The following AUP1 variants were observed in gnomAD, a reference collection of about 807,000 sequenced individuals.
The protein encoded by AUP1 is lipid droplet-regulating VLDL assembly factor AUP1.
A neutral mutation model predicts 51.8 loss-of-function variants in AUP1; 30 were observed. That is an observed-to-expected ratio of 0.58 (90% confidence interval 0.43 to 0.79). The LOEUF is 0.79. AUP1 is among the 30% of genes least tolerant of loss of function. AUP1 has a pLI of 0.00. For missense variants in AUP1, 492 were observed against 517.1 expected (o/e 0.95, Z 0.47); for synonymous variants, 227 against 209.0 (o/e 1.09, Z -0.74).
Position 74,527,311 on chromosome 2 carries a change from TACGGCCCCC to T in AUP1, c.1005_1013del (p.Gly336_Val338del). 1 of 1,614,170 alleles carries T rather than the reference TACGGCCCCC, an allele frequency of 6.2e-7. No individual in the cohort carries two copies. Among genetic ancestry groups the T allele is most frequent in the South Asian group, 1.1e-5 (1 of 91,080 alleles). On this transcript the variant is annotated inframe_deletion, in exon 10 of 12. Transcript: ENST00000377526. Reference sequence around the variant, plus strand: ...TGGTGATGTCTTCAGGCATGAAAGCTACGGCCCCCTCAAGCAGATTAGTGATAGTCAAGT... The same window carrying T: ...TGGTGATGTCTTCAGGCATGAAAGCTTCAAGCAGATTAGTGATAGTCAAGT...
At position 74,528,802 on chromosome 2, in the gene AUP1, A is replaced by G; in HGVS notation, c.473T>C (p.Leu158Pro). Residue 158 changes from leucine (L) to proline (P), a missense_variant, in exon 4 of 12, where the codon CTA becomes CCA. Leu to Pro is a moderately conservative substitution (Grantham distance 98, BLOSUM62 -3). Transcript: ENST00000377526. ...ATTGGTGGCCTCTTCCTCAGGGAAT[A>G]GCAGCAGAGGAGTGGGGGGAAGCCT... ...STRLPPTPLL[L>P]FPEEEATNGR... 6.2e-7 allele frequency: 1 copy of G among 1,613,854 alleles called. No homozygotes were observed. Among genetic ancestry groups the G allele is most frequent in the Non-Finnish European group, 8.5e-7 (1 of 1,179,880 alleles).
chr2:74,527,863 G>A, intron 7 of AUP1, 25 bp from the exon 8 acceptor site: 1 of 1,613,770 alleles, frequency 6.2e-7, no homozygotes, highest in Non-Finnish European at 8.5e-7. Context: ...AAGACTGGAA[G>A]TGTCAAGATC....
At chr2:74,527,182 A>G in intron 10 of AUP1, 66 bp downstream of exon 10, 1 of 1,599,326 alleles carries the variant, frequency 6.3e-7, no homozygotes, top group Non-Finnish European at 8.5e-7. Context: ...GGTCAGGGAT[A>G]AGGGAGTACA....
chr2:74,528,827 T>C lies in AUP1; in HGVS notation c.448A>G (p.Arg150Gly), dbSNP rs1675336930. Residue 150 changes from arginine (R) to glycine (G), a missense_variant, in exon 4 of 12, where the codon AGG becomes GGG. Transcript: ENST00000377526. ...ESLKRFCAST[R>G]LPPTPLLLFP... ...AGCAGCAGAGGAGTGGGGGGAAGCC[T>C]CGTGGAAGCACAGAATCTCTTGAGT... 6.2e-7 allele frequency: 1 copy of C among 1,614,074 alleles called. No homozygotes were observed.
At position 74,527,492 on chromosome 2, in the gene AUP1, C is replaced by T; in HGVS notation, c.940G>A (p.Gly314Ser). 1 of 1,613,436 alleles carries T rather than the reference C, an allele frequency of 6.2e-7. No homozygotes were observed. The highest frequency in any genetic ancestry group is 8.5e-7 in the Non-Finnish European group (1 of 1,179,744). Residue 314 changes from glycine (G) to serine (S), a missense_variant, in exon 9 of 12, where the codon GGT becomes AGT. Physicochemically the swap from Gly to Ser is moderately conservative, Grantham distance 56 (BLOSUM62 0). Coordinates refer to ENST00000377526, the MANE Select transcript of AUP1 (RefSeq NM_181575.5). ...VKEVLPHVPL[G>S]VIQRDLAKTG... is the part of the protein sequence containing the mutation. ...ATACCCAGGTCTCTCTGGATGACACCCAATGGCACATGGGGCAAAACTTCC... is the reference window on the plus strand; with the variant it reads ...ATACCCAGGTCTCTCTGGATGACACTCAATGGCACATGGGGCAAAACTTCC...
rs1675207072 is a variant in AUP1, at chr2:74,526,791, C to T, written c.*9G>A. 1 of 1,535,444 alleles carries T rather than the reference C, an allele frequency of 6.5e-7. No individual in the cohort carries two copies. The highest frequency in any genetic ancestry group is 1.4e-5 in the African/African-American group (1 of 72,388). ...CTGCGGCTCTGGGTGCCATCCTGTT[C>T]CTTTGAGCTCAGTCAGCCTCCTGGG... On this transcript the variant is annotated 3_prime_UTR_variant, in exon 12 of 12. Transcript: ENST00000377526.
chr2:74,526,903 T>C, intron 11 of AUP1, 38 bp downstream of exon 11: 1 of 1,608,560 alleles, frequency 6.2e-7, no homozygotes, highest in East Asian at 2.2e-5. Context: ...CATTCTCCAA[T>C]TTGCCACATC....
chr2:74,529,275 C>T lies in AUP1; in HGVS notation c.196G>A (p.Val66Met). The part of the protein sequence containing the change: ...LPDSVLRRFV[V>M]RTMCAVLGLV... The stretch of plus-strand genomic sequence containing the variant: ...CCTAGCACCGCACACATGGTCCGCA[C>T]TACGAATCTGGGGACACAGGAGGTG... The change falls in exon 3 of 12, where the codon GTG (valine) becomes ATG (methionine). Residue 66 changes from valine to methionine, a missense_variant. Coordinates refer to ENST00000377526, the MANE Select transcript of AUP1 (RefSeq NM_181575.5). The T allele has an allele frequency of 6.2e-7, 1 of 1,614,224 alleles. No individual in the cohort carries two copies. Among genetic ancestry groups the T allele is most frequent in the South Asian group, 1.1e-5 (1 of 91,084 alleles).
chr2:74,529,507 CGA>C lies in AUP1; in HGVS notation c.51-10_51-9del. ...AAGCAGTCACCCGGAAGCCTGGGGG[CGA>C]GAGGCGAAGTGGTCAGGCGCCGAAG... On this transcript the variant is annotated splice_polypyrimidine_tract_variant and intron_variant, in intron 1 of 11. Transcript: ENST00000377526. The C allele has an allele frequency of 6.5e-7, 1 of 1,549,310 alleles. No homozygotes were observed. Among genetic ancestry groups the C allele is most frequent in the Non-Finnish European group, 8.7e-7 (1 of 1,143,382 alleles).
Position 74,529,137 on chromosome 2 carries a change from T to C in AUP1, c.334A>G (p.Ser112Gly). Residue 112 changes from serine to glycine, a missense_variant, in exon 3 of 12, where the codon AGC becomes GGC. By Grantham distance (56) the Ser-to-Gly change is moderately conservative (BLOSUM62 0). Coordinates refer to ENST00000377526, the MANE Select transcript of AUP1 (RefSeq NM_181575.5). ...TCGGCCTCGCTCTCACTCACGGTGC[T>C]ACAGGTGGTAAGCAAATTGACTATG... ...HNIVNLLTTCSTPLLNSPPSF... is the reference protein window; with the variant it reads ...HNIVNLLTTCGTPLLNSPPSF... 6.2e-7 allele frequency: 1 copy of C among 1,614,204 alleles called. No individual in the cohort carries two copies. The highest frequency in any genetic ancestry group is 8.5e-7 in the Non-Finnish European group (1 of 1,180,020).
intron 6 of AUP1, 117 bp downstream of exon 6, chr2:74,528,131 G>T (rs530385166): frequency 1.4e-6 from 2 of 1,475,502 alleles, no homozygotes; most frequent in East Asian, 4.5e-5. Flanking sequence ...ACTTTGTGTT[G>T]CCTCTGTGGT....
chr2:74,529,507 C>G lies in AUP1; in HGVS notation c.51-8G>C. 6.5e-7 allele frequency: 1 copy of G among 1,549,310 alleles called. No individual in the cohort carries two copies. Reference sequence around the variant, plus strand: ...AAGCAGTCACCCGGAAGCCTGGGGGCGAGAGGCGAAGTGGTCAGGCGCCGA... The same window carrying G: ...AAGCAGTCACCCGGAAGCCTGGGGGGGAGAGGCGAAGTGGTCAGGCGCCGA... On this transcript the variant is annotated splice_region_variant and splice_polypyrimidine_tract_variant and intron_variant, in intron 1 of 11. Coordinates refer to ENST00000377526, the MANE Select transcript of AUP1 (RefSeq NM_181575.5).
chr2:74,528,974 T>A (rs1675354080), intron 3 of AUP1, 39 bp from the exon 4 acceptor site: 5 of 1,589,568 alleles, frequency 3.1e-6, no homozygotes, highest in Non-Finnish European at 4.3e-6. Flanking sequence ...AGAAAAATAT[T>A]GAGGAAAATG....
At chr2:74,528,055 C>A (rs761412603) in intron 6 of AUP1, 49 bp from the exon 7 acceptor site, 1 of 1,602,658 alleles carries the variant, frequency 6.2e-7, no homozygotes, top group African/African-American at 1.3e-5. Context: ...AGGGTAGAGG[C>A]TGTCACCATT....
At position 74,529,158 on chromosome 2, in the gene AUP1, C is replaced by T. The variant is rs771373252; in HGVS notation, c.313G>A (p.Val105Ile). The T allele has an allele frequency of 3.7e-6, 6 of 1,614,072 alleles. No individual in the cohort carries two copies. The East Asian group carries it at 1.1e-4, about 30-fold the overall frequency. The change falls in exon 3 of 12, where the codon GTC (valine) becomes ATC (isoleucine). Residue 105 changes from valine to isoleucine, a missense_variant. Physicochemically the swap from Val to Ile is conservative, Grantham distance 29 (BLOSUM62 3). Coordinates refer to ENST00000377526, the MANE Select transcript of AUP1 (RefSeq NM_181575.5). ...NHVTPFDHNI[V>I]NLLTTCSTPL... The stretch of plus-strand genomic sequence containing the variant: ...GTGCTACAGGTGGTAAGCAAATTGA[C>T]TATGTTGTGGTCGAAAGGTGTCACA...
Position 74,529,693 on chromosome 2 carries a change from G to T in AUP1, c.-64C>A, listed in dbSNP as rs377647662. 5.2e-6 allele frequency: 8 copies of T among 1,538,570 alleles called. No individual in the cohort carries two copies. In the East Asian group the frequency reaches 9.8e-5, roughly 19 times the overall value. ...GCCATTTTCGCGCCCGGCCGCAGGG[G>T]CTCTTGGGAAGGCGGAGTCTTTGGG... On this transcript the variant is annotated 5_prime_UTR_variant, in exon 1 of 12. Coordinates refer to ENST00000377526, the MANE Select transcript of AUP1 (RefSeq NM_181575.5).
chr2:74,527,206 A>G lies in AUP1; in HGVS notation c.1077+42T>C, dbSNP rs763884517. ...TAAGGGAGTACATAGCCTGCCCCCAACTCACCCCAACACTTGGATCTGACC... is the reference window on the plus strand; with the variant it reads ...TAAGGGAGTACATAGCCTGCCCCCAGCTCACCCCAACACTTGGATCTGACC... On this transcript the variant is annotated intron_variant, in intron 10 of 11. Transcript: ENST00000377526. The G allele has an allele frequency of 5.0e-6, 8 of 1,604,012 alleles. No individual in the cohort carries two copies. The Admixed American group carries it at 5.1e-5, about 10-fold the overall frequency.
In AUP1 at chr2:74,529,248, G is replaced by A. The variant is rs368321899; in HGVS notation, c.223C>T (p.Leu75Phe). 1.2e-5 allele frequency: 20 copies of A among 1,614,124 alleles called. No homozygotes were observed. The highest frequency in any genetic ancestry group is 2.2e-5 in the South Asian group (2 of 91,090). The part of the protein sequence containing the change: ...VVRTMCAVLG[L>F]VARQEDSGLR... The stretch of plus-strand genomic sequence containing the variant: ...CCGGAGTCCTCCTGCCGGGCCACGA[G>A]CCCTAGCACCGCACACATGGTCCGC... The change falls in exon 3 of 12, where the codon CTC becomes TTC. Residue 75 changes from leucine to phenylalanine, a missense_variant. By Grantham distance (22) the Leu-to-Phe change is conservative (BLOSUM62 0). Transcript: ENST00000377526.
chr2:74,528,051 G>A, intron 6 of AUP1, 45 bp from the exon 7 acceptor site: 1 of 1,607,924 alleles, frequency 6.2e-7, no homozygotes, highest in African/African-American at 1.3e-5. Context: ...ACCCAGGGTA[G>A]AGGCTGTCAC....
Sources: allele counts gnomAD v4.1 joint callset, GRCh38; gene constraint gnomAD v4.1.1; transcripts MANE v1.5; gene names NCBI Gene and HGNC (gene_info 2026-07-23, HGNC 2026-07-21).